Variants in KCNA4 observed in about 807,000 individuals in gnomAD.
The protein encoded by KCNA4 is cardiac potassium channel.
KCNA4 carries 5 observed loss-of-function variants against 37.2 expected under a neutral mutation model. The observed-to-expected ratio is 0.13, with a 90% confidence interval of 0.07 to 0.28. KCNA4 has a LOEUF of 0.28. Among genes scored for constraint, KCNA4 ranks in the 10% least tolerant of loss-of-function variants. The pLI is 1.00. For missense variants in KCNA4, 634 were observed against 817.4 expected, an observed-to-expected ratio of 0.78 and a Z score of 2.74; for synonymous variants, 350 against 311.8, an observed-to-expected ratio of 1.12 and a Z score of -1.29.
At position 30,010,424 on chromosome 11, in the gene KCNA4, A is replaced by ACT. The variant is rs778105353; in HGVS notation, c.*291_*292dup. 7.1e-6 allele frequency: 3 copies of ACT among 423,936 alleles called. No individual in the cohort carries two copies. Among genetic ancestry groups the ACT allele is most frequent in the Non-Finnish European group, 8.3e-6 (2 of 240,330 alleles). The allele number at this position is 423,936 out of a possible 1,614,324, so 26.3% of individuals were successfully genotyped here. A position where few individuals can be genotyped will look rare whatever the true frequency, so the allele number is the denominator to read the frequency against. On this transcript the variant is annotated 3_prime_UTR_variant, in exon 2 of 2. Coordinates refer to ENST00000328224, the MANE Select transcript of KCNA4 (RefSeq NM_002233.4). ...CACACATATACACACACACGCACAC[A>ACT]CTCTCTCTCTCCATCTTTACTGTTA...
Position 30,010,480 on chromosome 11 carries a change from T to C in KCNA4, c.*237A>G. ...TTTTCCAGTTAATGTGCAAAATTCT[T>C]GCATTCTAATAAAAATATAAAGATA... On this transcript the variant is annotated 3_prime_UTR_variant, in exon 2 of 2. Transcript: ENST00000328224. 1.7e-6 allele frequency: 1 copy of C among 604,090 alleles called. No homozygotes were observed. Among genetic ancestry groups the C allele is most frequent in the Non-Finnish European group, 2.6e-6 (1 of 383,186 alleles). 37.4% of individuals were successfully genotyped at this position (604,090 alleles called of 1,614,324 possible).
chr11:30,013,671 T>C (rs577727737), intron 1 of KCNA4, among the ~76,000 whole-genome samples: 1 of 152,296 alleles, frequency 6.6e-6, no homozygotes, highest in Non-Finnish European at 1.5e-5. Context: ...TTATTTCAGC[T>C]CAGTTTATTT....
intron 1 of KCNA4, among the ~76,000 whole-genome samples, chr11:30,014,000 C>A (rs896950858): frequency 3.3e-5 from 5 of 152,170 alleles, no homozygotes; most frequent in Non-Finnish European, 4.4e-5. Flanking sequence ...GCACTTCAGT[C>A]ACCTCATCTA....
rs1240493750 is a variant in KCNA4, at chr11:30,010,918, T to C, written c.1761A>G (p.Pro587=). The change falls in exon 2 of 2, where the codon CCA becomes CCG. Residue 587 remains proline (P), a synonymous_variant. Transcript: ENST00000328224. The part of the protein sequence containing the change: ...TQLTQNAVSC[P]YLPSNLLKKF... ...TCTTGAGCAAATTAGAGGGGAGGTA[T>C]GGACAACTGACTGCATTCTGCGTTA... is the stretch of plus-strand genomic sequence containing the variant. 8 of 1,614,104 alleles carry C rather than the reference T, an allele frequency of 5.0e-6. No individual in the cohort carries two copies. Among genetic ancestry groups the C allele is most frequent in the African/African-American group, 4.0e-5 (3 of 74,942 alleles).
rs928971555 is a variant in KCNA4, at chr11:30,016,555, A to C, written c.-783+17T>G. The C allele has an allele frequency of 3.2e-5, 5 of 155,496 alleles. No individual in the cohort carries two copies. Among genetic ancestry groups the C allele is most frequent in the Admixed American group, 6.6e-5 (1 of 15,178 alleles). 9.6% of individuals were successfully genotyped at this position (155,496 alleles called of 1,614,324 possible). A position where few individuals can be genotyped will look rare whatever the true frequency, so the allele number is the denominator to read the frequency against. On this transcript the variant is annotated intron_variant, in intron 1 of 1. Coordinates refer to ENST00000328224, the MANE Select transcript of KCNA4 (RefSeq NM_002233.4). ...GATACAAAAAAAAAAAAAAAAAAAA[A>C]AAGGTATCATACTTACCGTTCCCCG...
Position 30,010,951 on chromosome 11 carries a change from C to G in KCNA4, c.1728G>C (p.Gln576His). The change falls in exon 2 of 2, where the codon CAG (glutamine) becomes CAC (histidine). Residue 576 changes from glutamine to histidine, a missense_variant. This residue lies in a region of KCNA4 where 91 missense variants were observed against 95.8 expected (regional missense o/e 0.95). Transcript: ENST00000328224. Reference sequence around the variant, plus strand: ...TGACTGCATTCTGCGTTAGCTGTGTCTGTTCCTCATTTTCAGTCTCTCTGT... The same window carrying G: ...TGACTGCATTCTGCGTTAGCTGTGTGTGTTCCTCATTTTCAGTCTCTCTGT... ...FYHRETENEE[Q>H]TQLTQNAVSC... is the part of the protein sequence containing the mutation. 6.2e-7 allele frequency: 1 copy of G among 1,614,174 alleles called. No homozygotes were observed. The highest frequency in any genetic ancestry group is 1.3e-5 in the African/African-American group (1 of 75,046).
chr11:30,013,126 T>C lies in KCNA4; in HGVS notation c.-448A>G, dbSNP rs1283185227. The C allele has an allele frequency of 5.9e-6, 1 of 170,160 alleles. No individual in the cohort carries two copies. Among genetic ancestry groups the C allele is most frequent in the African/African-American group, 2.4e-5 (1 of 41,556 alleles). 10.5% of individuals were successfully genotyped at this position (170,160 alleles called of 1,614,324 possible). On this transcript the variant is annotated 5_prime_UTR_variant, in exon 2 of 2. Transcript: ENST00000328224. ...GCCATGGAAATTGGCCAATGCTCAGTCCATTAAATGTAAATAAAATGCAAA... is the reference window on the plus strand; with the variant it reads ...GCCATGGAAATTGGCCAATGCTCAGCCCATTAAATGTAAATAAAATGCAAA...
chr11:30,012,524 TCGACAGCAGCTGTGGCCGCTG>T lies in KCNA4; in HGVS notation c.134_154del (p.Ala45_Val51del). The stretch of plus-strand genomic sequence containing the variant: ...GCCCCCACCAGAACCCCCGCTACCT[TCGACAGCAGCTGTGGCCGCTG>T]CAACAGCAGCTGCTGCAGCTGCCCT... On this transcript the variant is annotated inframe_deletion, in exon 2 of 2. Transcript: ENST00000328224. 1 of 1,609,094 alleles carries T rather than the reference TCGACAGCAGCTGTGGCCGCTG, an allele frequency of 6.2e-7. No individual in the cohort carries two copies. The highest frequency in any genetic ancestry group is 1.1e-5 in the South Asian group (1 of 91,064).
chr11:30,016,534 CAAAAA>C (rs139673634), intron 1 of KCNA4, 33 bp downstream of exon 1: 3 of 62,328 alleles, frequency 4.8e-5, no homozygotes, highest in African/African-American at 1.3e-4. Context: ...AGGAAAGATA[CAAAAA>C]AAAAAAAAAA....
chr11:30,015,200 T>C (rs1850340066), intron 1 of KCNA4, among the ~76,000 whole-genome samples: 1 of 152,160 alleles, frequency 6.6e-6, no homozygotes, highest in African/African-American at 2.4e-5. Flanking sequence ...TACTCTGAAA[T>C]GTTTACCCTC....
Position 30,011,160 on chromosome 11 carries a change from G to A in KCNA4, c.1519C>T (p.His507Tyr). Residue 507 changes from histidine (H) to tyrosine (Y), a missense_variant, in exon 2 of 2, where the codon CAT becomes TAT. Physicochemically the swap from His to Tyr is moderately conservative, Grantham distance 83. Around this residue, in one of 8 missense-constraint regions of KCNA4, gnomAD observed 17 missense variants for 16.3 expected, o/e 1.04. Transcript: ENST00000328224. The surrounding 1 kb of genome is among the most constrained non-coding windows in gnomAD (Gnocchi z 5.6). ...YFAEADEPTT[H>Y]FQSIPDAFWW... Reference sequence around the variant, plus strand: ...AATGCATCTGGGATGCTTTGGAAATGGGTAGTAGGTTCATCCGCCTCTGCA... The same window carrying A: ...AATGCATCTGGGATGCTTTGGAAATAGGTAGTAGGTTCATCCGCCTCTGCA... The A allele has an allele frequency of 6.2e-7, 1 of 1,614,140 alleles. No homozygotes were observed. The highest frequency in any genetic ancestry group is 8.5e-7 in the Non-Finnish European group (1 of 1,180,038).
chr11:30,011,183 G>A lies in KCNA4; in HGVS notation c.1496C>T (p.Ala499Val). The A allele has an allele frequency of 6.2e-7, 1 of 1,614,122 alleles. No individual in the cohort carries two copies. ...VILFSSAVYF[A>V]EADEPTTHFQ... ...ATGGGTAGTAGGTTCATCCGCCTCT[G>A]CAAAATACACAGCACTAGAAAAGAG... is the stretch of plus-strand genomic sequence containing the variant. Residue 499 changes from alanine (A) to valine (V), a missense_variant, in exon 2 of 2, where the codon GCA becomes GTA. Physicochemically the swap from Ala to Val is moderately conservative, Grantham distance 64. Around this residue, in one of 8 missense-constraint regions of KCNA4, gnomAD observed 17 missense variants for 16.3 expected, o/e 1.04. Transcript: ENST00000328224. This position sits in a 1 kb window ranked among gnomAD's most constrained non-coding sequence, Gnocchi z 5.6.
Position 30,010,539 on chromosome 11 carries a change from G to A in KCNA4, c.*178C>T, listed in dbSNP as rs1850292888. 5 of 963,748 alleles carry A rather than the reference G, an allele frequency of 5.2e-6. No homozygotes were observed. Among genetic ancestry groups the A allele is most frequent in the Non-Finnish European group, 1.4e-6 (1 of 693,522 alleles). The allele number at this position is 963,748 out of a possible 1,614,324, so 59.7% of individuals were successfully genotyped here. A position where few individuals can be genotyped will look rare whatever the true frequency, so the allele number is the denominator to read the frequency against. The stretch of plus-strand genomic sequence containing the variant: ...CCTATTCCTCCCTCTTCTCCAAGAT[G>A]TATCATTTATTTGATATGTAATACA... On this transcript the variant is annotated 3_prime_UTR_variant, in exon 2 of 2. Transcript: ENST00000328224.
chr11:30,012,706 C>G lies in KCNA4; in HGVS notation c.-28G>C. On this transcript the variant is annotated 5_prime_UTR_variant, in exon 2 of 2. Transcript: ENST00000328224. ...TGGTGGTTTTCGGAAATGGCTGGTTCCAGTTGTAGAAGAAGAAGAAAGAAA... is the reference window on the plus strand; with the variant it reads ...TGGTGGTTTTCGGAAATGGCTGGTTGCAGTTGTAGAAGAAGAAGAAAGAAA... 6.6e-7 allele frequency: 1 copy of G among 1,513,982 alleles called. No homozygotes were observed. Among genetic ancestry groups the G allele is most frequent in the Non-Finnish European group, 8.8e-7 (1 of 1,130,928 alleles). 93.8% of individuals were successfully genotyped at this position (1,513,982 alleles called of 1,614,324 possible). A position where few individuals can be genotyped will look rare whatever the true frequency, so the allele number is the denominator to read the frequency against.
intron 1 of KCNA4, among the ~76,000 whole-genome samples, chr11:30,014,444 C>T (rs1168346031): frequency 2.0e-5 from 3 of 152,148 alleles, no homozygotes; most frequent in African/African-American, 4.8e-5. Flanking sequence ...TCAATGGTTC[C>T]TCCTCCACTC....
At chr11:30,014,604 C>T (rs1850334822) in intron 1 of KCNA4, among the ~76,000 whole-genome samples, 2 of 151,778 alleles carry the variant, frequency 1.3e-5, no homozygotes, top group Non-Finnish European at 1.5e-5. Flanking sequence ...CTTTTATTTA[C>T]AATCTCACAC....
chr11:30,014,990 T>C lies in KCNA4; in HGVS notation c.-782-1530A>G, dbSNP rs571691647. On this transcript the variant is annotated intron_variant, in intron 1 of 1. Transcript: ENST00000328224. ...TGCTGATCCTGTCAGCCTAAAAGCCTAAACACACTGAATTTTATGAAGTGA... is the reference window on the plus strand; with the variant it reads ...TGCTGATCCTGTCAGCCTAAAAGCCCAAACACACTGAATTTTATGAAGTGA... 1.1e-4 allele frequency among the ~76,000 whole-genome samples: 16 copies of C among 152,188 alleles called. No homozygotes were observed. In the East Asian group the frequency reaches 2.1e-3, roughly 20 times the overall value.
Position 30,012,298 on chromosome 11 carries a change from A to G in KCNA4, c.381T>C (p.Asp127=). 2 of 1,613,160 alleles carry G rather than the reference A, an allele frequency of 1.2e-6. No homozygotes were observed. The highest frequency in any genetic ancestry group is 1.7e-6 in the Non-Finnish European group (2 of 1,179,676). The change falls in exon 2 of 2, where the codon GAT becomes GAC. Residue 127 remains aspartate (D), a synonymous_variant. Transcript: ENST00000328224. ...CTTCCTCCTCTTCCTCCTCCTCCTCATCTTCCTCCTCCTCACTCAGCTCCC... is the reference window on the plus strand; with the variant it reads ...CTTCCTCCTCTTCCTCCTCCTCCTCGTCTTCCTCCTCCTCACTCAGCTCCC... ...ILRELSEEEE[D]EEEEEEEEEE...
chr11:30,014,661 C>T (rs1850335735), intron 1 of KCNA4, among the ~76,000 whole-genome samples: 1 of 152,042 alleles, frequency 6.6e-6, no homozygotes, highest in African/African-American at 2.4e-5. Context: ...CCCTCTGTCA[C>T]CTGTTATTCC....
Sources: allele counts gnomAD v4.1 joint callset (sites outside exome capture counted in the v4.1 genomes callset), GRCh38; gene constraint gnomAD v4.1.1; regional missense constraint gnomAD v4.1.1; non-coding constraint Gnocchi (gnomAD v3.1); transcripts MANE v1.5; gene names NCBI Gene and HGNC (gene_info 2026-07-23, HGNC 2026-07-21).